Variants in PDS5A observed in about 807,000 individuals in gnomAD.
PDS5A encodes PDS5 cohesin associated factor A, also known as sister chromatid cohesion protein PDS5 homolog A.
Under a neutral mutation model 167.1 loss-of-function variants are expected in PDS5A, and 42 were observed. The ratio of observed to expected loss-of-function variants is 0.25; its 90% confidence interval spans 0.20 to 0.33. The LOEUF is 0.33. Ranked by LOEUF, PDS5A falls within the 10% of genes least tolerant of loss-of-function variation. PDS5A has a pLI of 1.00. For synonymous variants in PDS5A, 553 were observed against 554.6 expected (o/e 1.00, Z 0.04); for missense variants, 1,033 against 1,605.9 (o/e 0.64, Z 6.10).
At chr4:39,956,798 G>C (rs529370136) in intron 2 of PDS5A, among the ~76,000 whole-genome samples, 50 of 151,780 alleles carry the variant, frequency 3.3e-4, no homozygotes, top group Admixed American at 9.9e-4. Context: ...TCAGCCTCCA[G>C]AGTGGGCAGG....
chr4:39,949,301 CAA>C (rs71645201), intron 2 of PDS5A, among the ~76,000 whole-genome samples: 6 of 93,902 alleles, frequency 6.4e-5, no homozygotes, highest in Non-Finnish European at 5.9e-5. Context: ...GAACCTATCT[CAA>C]AAAAAAAAAA....
chr4:39,913,583 T>C, intron 9 of PDS5A, 28 bp downstream of exon 9: 1 of 1,242,098 alleles, frequency 8.1e-7, no homozygotes, highest in Non-Finnish European at 1.2e-6. Context: ...TTCTAAAATA[T>C]AAACATCAGA....
At chr4:39,918,508 T>C (rs1422225520) in intron 7 of PDS5A, among the ~76,000 whole-genome samples, 1 of 152,148 alleles carries the variant, frequency 6.6e-6, no homozygotes, top group South Asian at 2.1e-4. Flanking sequence ...GATACAAGCA[T>C]ACACTTCTGG....
intron 2 of PDS5A, among the ~76,000 whole-genome samples, chr4:39,964,544 C>T (rs925945820): frequency 1.3e-5 from 2 of 152,120 alleles, no homozygotes; most frequent in Non-Finnish European, 2.9e-5. Context: ...AAAACTACAA[C>T]AAATTTAAAA....
intron 21 of PDS5A, among the ~76,000 whole-genome samples, chr4:39,871,176 G>C (rs1287859589): frequency 6.6e-6 from 1 of 152,042 alleles, no homozygotes; most frequent in African/African-American, 2.4e-5. Context: ...TTTCTGTATG[G>C]GGTGATAAAA....
chr4:39,865,952 C>G (rs979563778), intron 23 of PDS5A, among the ~76,000 whole-genome samples: 8 of 152,178 alleles, frequency 5.3e-5, no homozygotes. Flanking sequence ...AACTGAGCTT[C>G]TATTTTCATC....
chr4:39,930,262 G>GTTTTTTTTT (rs1194110821), intron 2 of PDS5A, among the ~76,000 whole-genome samples: 2 of 74,946 alleles, frequency 2.7e-5, no homozygotes, highest in East Asian at 8.8e-4. Flanking sequence ...TTTGTTTTTT[G>GTTTTTTTTT]TTTTTTTTTT....
At chr4:39,919,576 C>A (rs1041273659) in intron 7 of PDS5A, among the ~76,000 whole-genome samples, 1 of 152,074 alleles carries the variant, frequency 6.6e-6, no homozygotes, top group Non-Finnish European at 1.5e-5. Context: ...ACCCGGGAGG[C>A]GGAGCTTGCA....
intron 6 of PDS5A, among the ~76,000 whole-genome samples, chr4:39,922,281 T>C (rs2109717466): frequency 6.6e-6 from 1 of 152,322 alleles, no homozygotes; most frequent in East Asian, 1.9e-4. Context: ...ATGTTTCACA[T>C]CTATGTTAAA....
intron 2 of PDS5A, among the ~76,000 whole-genome samples, chr4:39,945,458 C>CAAAAAAAAAAAAAAAAAAAA (rs1210256217): frequency 3.0e-5 from 2 of 66,826 alleles, no homozygotes; most frequent in East Asian, 7.8e-4. Context: ...GAGACTGCCT[C>CAAAAAAAAAAAAAAAAAAAA]AAAAAAAAAA....
chr4:39,962,755 C>A (rs1348695374), intron 2 of PDS5A, among the ~76,000 whole-genome samples: 1 of 151,912 alleles, frequency 6.6e-6, no homozygotes, highest in Non-Finnish European at 1.5e-5. Context: ...AGTGAACACA[C>A]CACTGCACTC....
intron 17 of PDS5A, among the ~76,000 whole-genome samples, chr4:39,883,697 G>A (rs1721160799): frequency 6.6e-6 from 1 of 151,940 alleles, no homozygotes; most frequent in African/African-American, 2.4e-5. Context: ...GTGAAGTGCC[G>A]TGATCTCAGC....
intron 17 of PDS5A, among the ~76,000 whole-genome samples, chr4:39,887,904 A>G (rs1279276823): frequency 1.3e-5 from 2 of 151,786 alleles, no homozygotes; most frequent in African/African-American, 4.8e-5. Context: ...AAACAAAACA[A>G]AAAAACACCA....
At chr4:39,854,651 A>G (rs1193229541) in intron 26 of PDS5A, among the ~76,000 whole-genome samples, 1 of 152,208 alleles carries the variant, frequency 6.6e-6, no homozygotes, top group African/African-American at 2.4e-5. Flanking sequence ...AGCAGAGCAT[A>G]TATCACATAT....
chr4:39,879,839 A>C lies in PDS5A; in HGVS notation c.1887-6T>G. 6.6e-7 allele frequency: 1 copy of C among 1,524,672 alleles called. No homozygotes were observed. The highest frequency in any genetic ancestry group is 9.1e-7 in the Non-Finnish European group (1 of 1,099,198). The allele number at this position is 1,524,672 out of a possible 1,614,324, so 94.4% of individuals were successfully genotyped here. On this transcript the variant is annotated splice_region_variant and splice_polypyrimidine_tract_variant and intron_variant, in intron 17 of 32. Transcript: ENST00000303538. ...TCATCAATTTCACTAGTGCACTATA[A>C]AAAGAAGAAAATATAAATCAGTAAC...
chr4:39,848,844 A>C lies in PDS5A; in HGVS notation c.3339+7T>G. On this transcript the variant is annotated splice_region_variant and intron_variant, in intron 28 of 32. Coordinates refer to ENST00000303538, the MANE Select transcript of PDS5A (RefSeq NM_001100399.2). The stretch of plus-strand genomic sequence containing the variant: ...TGTGGTAGGAAAAATGAGAGGAAGA[A>C]AATTACCTTTTCAGGTTGTGTAAAA... 6.3e-7 allele frequency: 1 copy of C among 1,581,702 alleles called. No individual in the cohort carries two copies. Among genetic ancestry groups the C allele is most frequent in the Non-Finnish European group, 8.6e-7 (1 of 1,161,866 alleles).
chr4:39,852,012 C>T (rs185640022), intron 26 of PDS5A, among the ~76,000 whole-genome samples: 3 of 152,150 alleles, frequency 2.0e-5, no homozygotes, highest in Non-Finnish European at 4.4e-5. Flanking sequence ...TTAGTATATA[C>T]ATAAAATACT....
At chr4:39,827,220 G>A (rs141885926) in intron 32 of PDS5A, among the ~76,000 whole-genome samples, 6 of 152,184 alleles carry the variant, frequency 3.9e-5, no homozygotes, top group African/African-American at 1.4e-4. Flanking sequence ...GGCTGGTCTT[G>A]AACTCCTGAC....
At chr4:39,974,876 C>T (rs1730930239) in intron 2 of PDS5A, among the ~76,000 whole-genome samples, 1 of 152,034 alleles carries the variant, frequency 6.6e-6, no homozygotes, top group Non-Finnish European at 1.5e-5. Context: ...ATTGGGAGGC[C>T]GATGCAGGCA....
Sources: allele counts gnomAD v4.1 joint callset (sites outside exome capture counted in the v4.1 genomes callset), GRCh38; gene constraint gnomAD v4.1.1; transcripts MANE v1.5; gene names NCBI Gene and HGNC (gene_info 2026-07-23, HGNC 2026-07-21).